The following FAM20A variants were observed in gnomAD, a reference collection of about 807,000 sequenced individuals.
The protein encoded by FAM20A is FAM20A golgi associated secretory pathway pseudokinase, also known as pseudokinase FAM20A.
In FAM20A, 42 loss-of-function variants were observed where a neutral mutation model predicts 52.0. The ratio of observed to expected loss-of-function variants is 0.81; its 90% CI spans 0.63 to 1.04. The LOEUF is 1.04. Among genes scored for constraint, FAM20A ranks in the 50% least tolerant of loss-of-function variants. FAM20A has a pLI of 0.00. For missense variants in FAM20A, 742 were observed against 712.7 expected, an observed-to-expected ratio of 1.04 and a Z score of -0.47; for synonymous variants, 304 against 298.9, an observed-to-expected ratio of 1.02 and a Z score of -0.18.
At chr17:68,583,587 A>G (rs1187080185) in intron 1 of FAM20A, among the ~76,000 whole-genome samples, 1 of 152,174 alleles carries the variant, frequency 6.6e-6, no homozygotes, top group Non-Finnish European at 1.5e-5. Flanking sequence ...AAGAGTCTTA[A>G]TTATATCTGT....
intron 1 of FAM20A, among the ~76,000 whole-genome samples, chr17:68,599,520 A>AC (rs1555576823): frequency 6.6e-6 from 1 of 152,044 alleles, no homozygotes; most frequent in Non-Finnish European, 1.5e-5. Context: ...TCCCTGAAAG[A>AC]TTTTTTTCTC....
chr17:68,563,673 C>T (rs372827029), intron 1 of FAM20A, among the ~76,000 whole-genome samples: 43 of 152,262 alleles, frequency 2.8e-4, no homozygotes, highest in African/African-American at 1.0e-3. Flanking sequence ...CATCATCACG[C>T]AGTGCCCTTG....
chr17:68,540,212 C>G (rs1013249914), intron 8 of FAM20A, among the ~76,000 whole-genome samples: 1 of 152,228 alleles, frequency 6.6e-6, no homozygotes, highest in Non-Finnish European at 1.5e-5. Context: ...CCTGCCCCTG[C>G]CCCTACTCCA....
intron 1 of FAM20A, among the ~76,000 whole-genome samples, chr17:68,567,791 G>A (rs1332782774): frequency 3.3e-5 from 5 of 152,044 alleles, no homozygotes; most frequent in South Asian, 2.1e-4. Flanking sequence ...ACTGGATCAC[G>A]GGGGTGGTTT....
chr17:68,599,912 CAG>C, intron 1 of FAM20A, among the ~76,000 whole-genome samples: 1 of 152,306 alleles, frequency 6.6e-6, no homozygotes, highest in Admixed American at 6.5e-5. Context: ...CACATCAGGA[CAG>C]AGAGTGGGGT....
intron 1 of FAM20A, among the ~76,000 whole-genome samples, chr17:68,573,222 G>A (rs554672721): frequency 6.6e-6 from 1 of 152,324 alleles, no homozygotes; most frequent in South Asian, 2.1e-4. Flanking sequence ...ACTCACAGCT[G>A]TGTGACCTAG....
At position 68,540,901 on chromosome 17, in the gene FAM20A, G is replaced by C. The variant is rs760324379; in HGVS notation, c.1167C>G (p.Asn389Lys). The stretch of plus-strand genomic sequence containing the variant: ...CGATGACATTGAGGAGCCGCTGGCT[G>C]TTGTTGTACGGGTAGATCTGTTTCA... Reference protein sequence around the residue: ...DTVKQIYPYNNSQRLLNVIDM... With the variant: ...DTVKQIYPYNKSQRLLNVIDM... Residue 389 changes from asparagine to lysine, a missense_variant, in exon 8 of 11, where the codon AAC becomes AAG. By Grantham distance (94) the Asn-to-Lys change is moderately conservative. Coordinates refer to ENST00000592554, the MANE Select transcript of FAM20A (RefSeq NM_017565.4). 6.2e-7 allele frequency: 1 copy of C among 1,605,014 alleles called. No homozygotes were observed. Among genetic ancestry groups the C allele is most frequent in the Admixed American group, 1.7e-5 (1 of 59,246 alleles).
At chr17:68,544,783 C>T (rs1403699404) in intron 4 of FAM20A, among the ~76,000 whole-genome samples, 1 of 152,238 alleles carries the variant, frequency 6.6e-6, no homozygotes, top group Non-Finnish European at 1.5e-5. Context: ...AGGACAATCC[C>T]TCTTCCCAGT....
At chr17:68,581,332 G>GT (rs937468936) in intron 1 of FAM20A, among the ~76,000 whole-genome samples, 3 of 137,280 alleles carry the variant, frequency 2.2e-5, no homozygotes, top group African/African-American at 8.3e-5. Flanking sequence ...AGTTGAAAAG[G>GT]TATCTCCGAA....
chr17:68,592,703 A>C (rs1025238869), intron 1 of FAM20A, among the ~76,000 whole-genome samples: 1 of 152,190 alleles, frequency 6.6e-6, no homozygotes, highest in African/African-American at 2.4e-5. Context: ...TTCTCAGTCC[A>C]TGTACCCTGT....
At chr17:68,596,617 A>T (rs1202665875) in intron 1 of FAM20A, among the ~76,000 whole-genome samples, 1 of 152,244 alleles carries the variant, frequency 6.6e-6, no homozygotes, top group African/African-American at 2.4e-5. Flanking sequence ...GTCATCACTT[A>T]TTCAAGCAAA....
chr17:68,546,285 A>G (rs1260069234), intron 4 of FAM20A, among the ~76,000 whole-genome samples: 1 of 150,606 alleles, frequency 6.6e-6, no homozygotes, highest in Non-Finnish European at 1.5e-5. Context: ...GTTCTCTTTT[A>G]TTTCCACATC....
rs1165699504 is a variant in FAM20A at position 68,536,428 on chromosome 17, C to T, written c.*1049G>A. 3 of 454,004 alleles carry T rather than the reference C, an allele frequency of 6.6e-6. No homozygotes were observed. In the East Asian group the frequency reaches 2.1e-4, roughly 32 times the overall value. The allele number at this position is 454,004 out of a possible 1,614,324, so 28.1% of individuals were successfully genotyped here. On this transcript the variant is annotated 3_prime_UTR_variant, in exon 11 of 11. Coordinates refer to ENST00000592554, the MANE Select transcript of FAM20A (RefSeq NM_017565.4). ...TATTAAAAGGAGTTTCAGATATCAA[C>T]AAGTCAGGGAGAAGGTAGAGGAGAC...
At chr17:68,566,888 A>G (rs2087390763) in intron 1 of FAM20A, among the ~76,000 whole-genome samples, 1 of 152,232 alleles carries the variant, frequency 6.6e-6, no homozygotes, top group Non-Finnish European at 1.5e-5. Flanking sequence ...GATCTTTCAA[A>G]ATTTAAGGAA....
At chr17:68,563,420 C>G (rs1405238622) in intron 1 of FAM20A, among the ~76,000 whole-genome samples, 1 of 151,114 alleles carries the variant, frequency 6.6e-6, no homozygotes, top group African/African-American at 2.4e-5. Flanking sequence ...GATGCAAACC[C>G]CTTCCTGATG....
chr17:68,558,845 A>C (rs956229480), intron 1 of FAM20A, among the ~76,000 whole-genome samples: 2 of 151,306 alleles, frequency 1.3e-5, no homozygotes, highest in African/African-American at 4.9e-5. Flanking sequence ...TGCAACCTCT[A>C]CCTCCCAGGT....
chr17:68,546,496 C>T (rs2086572041), intron 4 of FAM20A, among the ~76,000 whole-genome samples: 1 of 152,066 alleles, frequency 6.6e-6, no homozygotes, highest in South Asian at 2.1e-4. Flanking sequence ...AGAGGAATCA[C>T]TAACTGTGGC....
chr17:68,576,544 C>G (rs965702880), intron 1 of FAM20A, among the ~76,000 whole-genome samples: 2 of 152,184 alleles, frequency 1.3e-5, no homozygotes, highest in Admixed American at 6.5e-5. Context: ...ACTGTCCCAG[C>G]CTCCTCCCCA....
intron 1 of FAM20A, among the ~76,000 whole-genome samples, chr17:68,591,194 C>A (rs190816018): frequency 2.0e-5 from 3 of 152,166 alleles, no homozygotes; most frequent in African/African-American, 7.2e-5. Context: ...GCAAGCTCCA[C>A]CTCCTGGGTT....
Sources: gnomAD v4.1 joint callset for allele counts (sites outside exome capture counted in the v4.1 genomes callset) on GRCh38, gnomAD v4.1.1 for gene constraint, MANE v1.5 for transcripts, NCBI Gene and HGNC (gene_info 2026-07-23, HGNC 2026-07-21) for gene names.